Variants in PLEKHH2 observed in about 807,000 individuals in gnomAD.
PLEKHH2 encodes pleckstrin homology, MyTH4 and FERM domain containing H2.
A neutral mutation model predicts 187.9 loss-of-function variants in PLEKHH2; 129 were observed. That is an observed-to-expected ratio of 0.69 (90% CI 0.59 to 0.79). The LOEUF (loss-of-function observed/expected upper bound fraction) is 0.79, where lower values mean the gene tolerates loss of function less well. PLEKHH2 is among the 30% of genes least tolerant of loss of function. The pLI is 0.00. For synonymous variants in PLEKHH2, 686 were observed against 605.6 expected, an observed-to-expected ratio of 1.13 and a Z score of -1.95; for missense variants, 2,076 against 1,751.2, an observed-to-expected ratio of 1.19 and a Z score of -3.31.
At chr2:43,657,615 G>T (rs1309547042) in intron 2 of PLEKHH2, among the ~76,000 whole-genome samples, 3 of 152,216 alleles carry the variant, frequency 2.0e-5, no homozygotes, top group Non-Finnish European at 2.9e-5. Flanking sequence ...CATGGAAAAA[G>T]AGCACATGGG....
At chr2:43,675,058 T>C in intron 2 of PLEKHH2, 1 of 201,740 alleles carries the variant, frequency 5.0e-6, no homozygotes, top group Non-Finnish European at 9.9e-6. Context: ...ACAAATGTTC[T>C]ACACCTTTAT....
chr2:43,674,715 TG>T (rs1667646693), intron 2 of PLEKHH2, among the ~76,000 whole-genome samples: 1 of 152,046 alleles, frequency 6.6e-6, no homozygotes, highest in African/African-American at 2.4e-5. Context: ...CTGCGTGTGG[TG>T]GGTCATGCCT....
chr2:43,706,598 A>G (rs1304808389), intron 10 of PLEKHH2, among the ~76,000 whole-genome samples, 182 bp downstream of exon 10: 1 of 152,224 alleles, frequency 6.6e-6, no homozygotes, highest in Non-Finnish European at 1.5e-5. Flanking sequence ...TGCAGAAGAC[A>G]CTTATCAGAA....
At chr2:43,703,949 AT>A in intron 8 of PLEKHH2, 31 bp from the exon 9 acceptor site, 1 of 748,994 alleles carries the variant, frequency 1.3e-6, no homozygotes, top group Non-Finnish European at 2.0e-6. Context: ...TTTGCTTTAA[AT>A]ACCCTGTTCA....
chr2:43,715,791 A>G (rs925748399), intron 15 of PLEKHH2, among the ~76,000 whole-genome samples: 2 of 152,194 alleles, frequency 1.3e-5, no homozygotes, highest in African/African-American at 4.8e-5. Context: ...TCTTAGTTAA[A>G]AAGTCCAGCA....
At chr2:43,686,493 G>A (rs964019362) in intron 3 of PLEKHH2, among the ~76,000 whole-genome samples, 6 of 152,146 alleles carry the variant, frequency 3.9e-5, no homozygotes, top group African/African-American at 7.2e-5. Context: ...CACTGTGCCC[G>A]GCCTGAAGTC....
At chr2:43,644,909 T>A in intron 2 of PLEKHH2, 113 bp downstream of exon 2, 1 of 1,184,000 alleles carries the variant, frequency 8.4e-7, no homozygotes, top group South Asian at 1.9e-5. Flanking sequence ...GTCAAGTATT[T>A]GAAGCTATAT....
chr2:43,742,444 A>T (rs533919412), intron 21 of PLEKHH2, among the ~76,000 whole-genome samples: 1 of 152,214 alleles, frequency 6.6e-6, no homozygotes, highest in South Asian at 2.1e-4. Flanking sequence ...ATTTGTTAAT[A>T]TTAAATCACT....
At chr2:43,685,494 C>G (rs1374186640) in intron 3 of PLEKHH2, among the ~76,000 whole-genome samples, 1 of 152,078 alleles carries the variant, frequency 6.6e-6, no homozygotes, top group Non-Finnish European at 1.5e-5. Flanking sequence ...GTGATGCGAT[C>G]TCAGCTCACT....
intron 15 of PLEKHH2, among the ~76,000 whole-genome samples, chr2:43,717,793 G>A (rs1185875486): frequency 6.6e-6 from 1 of 152,162 alleles, no homozygotes; most frequent in East Asian, 1.9e-4. Flanking sequence ...CTATAAAATG[G>A]GGATAATAAT....
chr2:43,669,818 T>G (rs1417335809), intron 2 of PLEKHH2, among the ~76,000 whole-genome samples: 1 of 152,138 alleles, frequency 6.6e-6, no homozygotes, highest in Non-Finnish European at 1.5e-5. Flanking sequence ...GTGATTCTCA[T>G]GTCTCAGCCT....
At chr2:43,754,315 C>G (rs750357364) in intron 25 of PLEKHH2, among the ~76,000 whole-genome samples, 12 of 152,156 alleles carry the variant, frequency 7.9e-5, no homozygotes, top group Non-Finnish European at 1.2e-4. Flanking sequence ...TTATCCTGTT[C>G]TCTCTTCTGC....
intron 2 of PLEKHH2, chr2:43,676,276 C>G: frequency 3.7e-6 from 6 of 1,613,400 alleles, no homozygotes; most frequent in Non-Finnish European, 5.1e-6. Flanking sequence ...GGAAATGCTC[C>G]CAAGCAACAT....
chr2:43,698,808 A>G (rs1186421938), intron 7 of PLEKHH2, among the ~76,000 whole-genome samples: 2 of 152,162 alleles, frequency 1.3e-5, no homozygotes, highest in Non-Finnish European at 2.9e-5. Context: ...TATGAAGCCA[A>G]TGGTTCATTC....
chr2:43,642,794 CTT>C (rs1666009790), intron 1 of PLEKHH2, among the ~76,000 whole-genome samples: 1 of 152,114 alleles, frequency 6.6e-6, no homozygotes, highest in African/African-American at 2.4e-5. Flanking sequence ...AATATCCACT[CTT>C]CATGTTATTT....
Position 43,700,271 on chromosome 2 carries a change from C to T in PLEKHH2, c.1313C>T (p.Pro438Leu), listed in dbSNP as rs200473333. 6.2e-7 allele frequency: 1 copy of T among 1,614,122 alleles called. No homozygotes were observed. The highest frequency in any genetic ancestry group is 1.3e-5 in the African/African-American group (1 of 75,022). The stretch of plus-strand genomic sequence containing the variant: ...TTAGTGCCTTCATCACACCTGCCAC[C>T]CCCAAAGTTAAGGATTCCTAATGTT... The part of the protein sequence containing the change: ...TQLVPSSHLP[P>L]PKLRIPNVFS... Residue 438 changes from proline (P) to leucine (L), a missense_variant, in exon 8 of 30, where the codon CCC becomes CTC. Transcript: ENST00000282406.
intron 15 of PLEKHH2, among the ~76,000 whole-genome samples, chr2:43,718,809 T>C (rs1299455677): frequency 6.6e-6 from 1 of 152,158 alleles, no homozygotes; most frequent in East Asian, 1.9e-4. Flanking sequence ...CCAGGATATT[T>C]GTCTGTAAAT....
chr2:43,737,509 G>C (rs530592834), intron 19 of PLEKHH2, among the ~76,000 whole-genome samples: 1 of 152,154 alleles, frequency 6.6e-6, no homozygotes, highest in Non-Finnish European at 1.5e-5. Flanking sequence ...AGTTTAGCTG[G>C]GTGGTTCTGA....
At chr2:43,751,992 G>A (rs1490788703) in intron 24 of PLEKHH2, among the ~76,000 whole-genome samples, 1 of 150,714 alleles carries the variant, frequency 6.6e-6, no homozygotes, top group African/African-American at 2.5e-5. Context: ...TTGCCTGCTG[G>A]GAATAAGAGA....
Sources: allele counts gnomAD v4.1 joint callset (sites outside exome capture counted in the v4.1 genomes callset), GRCh38; gene constraint gnomAD v4.1.1; transcripts MANE v1.5; gene names NCBI Gene and HGNC (gene_info 2026-07-23, HGNC 2026-07-21).